The following BMP5 variants were observed in gnomAD, a reference collection of about 807,000 sequenced individuals.
BMP5 encodes bone morphogenetic protein 5.
Under a neutral mutation model 46.6 loss-of-function variants are expected in BMP5, and 23 were observed. The ratio of observed to expected loss-of-function variants is 0.49; its 90% CI spans 0.35 to 0.70. The LOEUF (loss-of-function observed/expected upper bound fraction) is 0.70. BMP5 is among the 30% of genes least tolerant of loss of function. BMP5 has a pLI of 0.00. For missense variants in BMP5, 545 were observed against 565.6 expected (o/e 0.96, Z 0.37); for synonymous variants, 204 against 191.9 (o/e 1.06, Z -0.52).
chr6:55,792,819 G>T (rs1004103514), intron 3 of BMP5, among the ~76,000 whole-genome samples: 4 of 152,092 alleles, frequency 2.6e-5, no homozygotes, highest in African/African-American at 9.7e-5. Flanking sequence ...GTGTAACACC[G>T]CAATGAAAAA....
rs1352151818 is a variant in BMP5, at chr6:55,875,386, G to A, written c.-521C>T. On this transcript the variant is annotated 5_prime_UTR_variant, in exon 1 of 7. Coordinates refer to ENST00000370830, the MANE Select transcript of BMP5 (RefSeq NM_021073.4). ...TGGTGTTGGAATATATATCTGTCCG[G>A]CAGCTTGGTGATAACTTTAACATCT... 1.2e-5 allele frequency: 2 copies of A among 161,218 alleles called. No homozygotes were observed. Among genetic ancestry groups the A allele is most frequent in the South Asian group, 3.3e-4 (2 of 6,144 alleles). 10.0% of individuals were successfully genotyped at this position (161,218 alleles called of 1,614,324 possible).
rs376679139 is a variant in BMP5, at chr6:55,808,139, G to A, written c.683+11516C>T. On this transcript the variant is annotated intron_variant, in intron 2 of 6. Coordinates refer to ENST00000370830, the MANE Select transcript of BMP5 (RefSeq NM_021073.4). The stretch of plus-strand genomic sequence containing the variant: ...ACCACCCCTCCCACTAGGGGATCAG[G>A]TCCAGGGAGATCAGAGTTCTGTCCC... 5.1e-4 allele frequency among the ~76,000 whole-genome samples: 78 copies of A among 152,298 alleles called. No homozygotes were observed. In the South Asian group the frequency reaches 0.016, roughly 31 times the overall value.
At chr6:55,796,604 C>T (rs1582071721) in intron 2 of BMP5, among the ~76,000 whole-genome samples, 2 of 151,306 alleles carry the variant, frequency 1.3e-5, no homozygotes, top group East Asian at 1.9e-4. Flanking sequence ...CACCTACCAA[C>T]TCGTCATCTA....
intron 2 of BMP5, among the ~76,000 whole-genome samples, chr6:55,797,609 CTTTTCTTTTTTTTTT>C (rs1775746988): frequency 7.4e-6 from 1 of 134,544 alleles, no homozygotes; most frequent in Non-Finnish European, 1.6e-5. Flanking sequence ...TGATTATTTT[CTTTTCTTTTTTTTTT>C]TTTTTTTTTT....
At chr6:55,755,825 G>GAGAA in intron 6 of BMP5, 143 bp from the exon 7 acceptor site, 1 of 797,944 alleles carries the variant, frequency 1.3e-6, no homozygotes, top group Non-Finnish European at 2.0e-6. Context: ...CCATGACTGG[G>GAGAA]GTGGGGGACT....
intron 2 of BMP5, among the ~76,000 whole-genome samples, chr6:55,795,241 C>A (rs1456793783): frequency 6.6e-6 from 1 of 151,916 alleles, no homozygotes; most frequent in Admixed American, 6.6e-5. Context: ...CTAAAATTAC[C>A]TATTTCTGAC....
intron 1 of BMP5, among the ~76,000 whole-genome samples, chr6:55,855,392 A>C (rs1777366917): frequency 6.6e-6 from 1 of 152,058 alleles, no homozygotes; most frequent in African/African-American, 2.4e-5. Context: ...CTCAAAAGAA[A>C]AAAAAGGGGG....
At chr6:55,866,133 C>G (rs1264964727) in intron 1 of BMP5, among the ~76,000 whole-genome samples, 1 of 152,160 alleles carries the variant, frequency 6.6e-6, no homozygotes, top group East Asian at 1.9e-4. Flanking sequence ...GTTGCACCCT[C>G]TCTTCCTCTT....
chr6:55,755,703 T>C, intron 6 of BMP5, 21 bp from the exon 7 acceptor site: 1 of 1,607,618 alleles, frequency 6.2e-7, no homozygotes, highest in Non-Finnish European at 8.5e-7. Flanking sequence ...AAAAAGGTTT[T>C]GTTTTATTAA....
chr6:55,829,781 G>A (rs571206796), intron 1 of BMP5, among the ~76,000 whole-genome samples: 6 of 151,898 alleles, frequency 4.0e-5, no homozygotes, highest in South Asian at 2.1e-4. Flanking sequence ...AATGAATTAC[G>A]CATTGTGAAA....
chr6:55,866,525 A>G (rs1777643230), intron 1 of BMP5, among the ~76,000 whole-genome samples: 1 of 152,204 alleles, frequency 6.6e-6, no homozygotes, highest in Admixed American at 6.5e-5. Flanking sequence ...ACAGTCGTGG[A>G]TCATCTCAGG....
intron 3 of BMP5, among the ~76,000 whole-genome samples, chr6:55,785,980 T>A (rs1385624573): frequency 1.3e-5 from 2 of 151,766 alleles, no homozygotes; most frequent in East Asian, 3.9e-4. Context: ...AGAAATCTTA[T>A]TATAGATTTT....
In BMP5 at chr6:55,875,470, T is replaced by C. The variant is rs1046409092; in HGVS notation, c.-605A>G. The C allele has an allele frequency of 2.6e-5, 4 of 153,756 alleles. No individual in the cohort carries two copies. Among genetic ancestry groups the C allele is most frequent in the African/African-American group, 4.8e-5 (2 of 41,436 alleles). 9.5% of individuals were successfully genotyped at this position (153,756 alleles called of 1,614,324 possible). Reference sequence around the variant, plus strand: ...GTTGTACTATTCAAGTAAATGTGTTTCCCTGAATTTACTTGAAATCCTTCC... The same window carrying C: ...GTTGTACTATTCAAGTAAATGTGTTCCCCTGAATTTACTTGAAATCCTTCC... On this transcript the variant is annotated 5_prime_UTR_variant, in exon 1 of 7. Coordinates refer to ENST00000370830, the MANE Select transcript of BMP5 (RefSeq NM_021073.4).
intron 1 of BMP5, among the ~76,000 whole-genome samples, chr6:55,830,218 T>C (rs944800826): frequency 2.0e-5 from 3 of 152,108 alleles, no homozygotes; most frequent in South Asian, 4.1e-4. Context: ...TCAGAACATA[T>C]GTGTATTTAA....
chr6:55,769,115 T>C (rs948264203), intron 4 of BMP5, among the ~76,000 whole-genome samples: 2 of 151,950 alleles, frequency 1.3e-5, no homozygotes, highest in African/African-American at 2.4e-5. Flanking sequence ...TTGCTGAAGG[T>C]TGATGTGGCT....
intron 5 of BMP5, among the ~76,000 whole-genome samples, chr6:55,759,958 G>C (rs1032816000): frequency 6.6e-6 from 1 of 151,722 alleles, no homozygotes; most frequent in African/African-American, 2.4e-5. Flanking sequence ...TCACCACATA[G>C]AGCCATTAAA....
chr6:55,817,386 A>G (rs1382037458), intron 2 of BMP5, among the ~76,000 whole-genome samples: 2 of 152,166 alleles, frequency 1.3e-5, no homozygotes, highest in African/African-American at 4.8e-5. Flanking sequence ...TTAAGAAAAT[A>G]TGGCACATAT....
intron 1 of BMP5, among the ~76,000 whole-genome samples, chr6:55,856,433 T>A (rs1777399269): frequency 6.6e-6 from 1 of 152,186 alleles, no homozygotes. Context: ...ATAAGTTTAA[T>A]GTTATCAAAA....
intron 3 of BMP5, among the ~76,000 whole-genome samples, chr6:55,775,945 T>G (rs1246803152): frequency 6.6e-6 from 1 of 151,548 alleles, no homozygotes; most frequent in African/African-American, 2.4e-5. Context: ...CTGCATCAAT[T>G]TAGACAGCAT....
Sources: allele counts gnomAD v4.1 joint callset (sites outside exome capture counted in the v4.1 genomes callset), GRCh38; gene constraint gnomAD v4.1.1; transcripts MANE v1.5; gene names NCBI Gene and HGNC (gene_info 2026-07-23, HGNC 2026-07-21).